Variants in SPIN2A observed in about 807,000 individuals in gnomAD.
SPIN2A encodes the protein spindlin family member 2A.
SPIN2A carries 4 observed loss-of-function variants against 9.2 expected under a neutral mutation model. That is an observed-to-expected ratio of 0.44 (90% CI 0.21 to 1.00). The LOEUF is 1.00. Ranked by LOEUF, SPIN2A falls within the 50% of genes least tolerant of loss-of-function variation. The pLI, the probability that SPIN2A is intolerant of heterozygous loss-of-function variation, is 0.26. For synonymous variants in SPIN2A, 25 were observed against 61.2 expected, an observed-to-expected ratio of 0.41 and a Z score of 2.76; for missense variants, 77 against 172.8, an observed-to-expected ratio of 0.45 and a Z score of 3.11.
upstream of SPIN2A, among the ~76,000 whole-genome samples, chrX:57,141,273 C>T (rs897007086): frequency 9.0e-6 from 1 of 111,595 alleles, no homozygotes; most frequent in African/African-American, 3.3e-5. Flanking sequence ...TCATTGCATC[C>T]CTAAGATTAA....
chrX:57,138,194 T>C (rs1345483835), upstream of SPIN2A, among the ~76,000 whole-genome samples: 1 of 111,973 alleles, frequency 8.9e-6, no homozygotes, highest in Non-Finnish European at 1.9e-5. Context: ...AGTGAAGTCA[T>C]TTTTAATTTT....
At chrX:57,140,932 T>C (rs1927986290), upstream of SPIN2A, among the ~76,000 whole-genome samples, 2 of 111,777 alleles carry the variant, frequency 1.8e-5, no homozygotes, top group South Asian at 7.4e-4. Context: ...CATTATGCAG[T>C]GTATTTATGT....
downstream of SPIN2A, chrX:57,134,694 T>C (rs1047933207): frequency 9.0e-6 from 1 of 111,716 alleles, no homozygotes; most frequent in African/African-American, 3.3e-5. Flanking sequence ...GGCACATCTC[T>C]TAAGTTCTGA....
chrX:57,141,413 T>C (rs1602031678), upstream of SPIN2A, among the ~76,000 whole-genome samples: 1 of 111,998 alleles, frequency 8.9e-6, no homozygotes, highest in Non-Finnish European at 1.9e-5. Context: ...GGGGTGTCTT[T>C]GGTTATGACA....
chrX:57,144,123 A>G, the SPIN2A span, among the ~76,000 whole-genome samples: 7 of 111,924 alleles, frequency 6.3e-5, no homozygotes, highest in African/African-American at 2.3e-4. Context: ...TGCACTTTCA[A>G]TATGTCATCC....
At chrX:57,135,101 C>T (rs1336943575), downstream of SPIN2A, 1 of 112,169 alleles carries the variant, frequency 8.9e-6, no homozygotes, top group Non-Finnish European at 1.9e-5. Context: ...CTCACTCCCT[C>T]TGTCAGTCTT....
the SPIN2A span, among the ~76,000 whole-genome samples, chrX:57,145,480 G>A: frequency 8.9e-6 from 1 of 111,894 alleles, no homozygotes; most frequent in African/African-American, 3.2e-5. Context: ...TGGATAGATT[G>A]TAAAGATTTT....
the SPIN2A span, among the ~76,000 whole-genome samples, chrX:57,144,521 A>T: frequency 1.8e-5 from 2 of 108,889 alleles, no homozygotes; most frequent in Non-Finnish European, 3.8e-5. Flanking sequence ...TTTTTTAATA[A>T]TTTTTAAAAT....
chrX:57,143,495 G>A, the SPIN2A span, among the ~76,000 whole-genome samples: 1 of 109,276 alleles, frequency 9.2e-6, no homozygotes, highest in South Asian at 4.0e-4. Context: ...TATTATTATT[G>A]AGATAGGATC....
At position 57,137,317 on chromosome X, in the gene SPIN2A, G is replaced by A. The variant is rs1927849118; in HGVS notation, c.-63C>T. Reference sequence around the variant, plus strand: ...AAGGAGGGTCAACAGGCGACTCGCTGAGTGACTGCTTGCAAGAGCGGGGAG... The same window carrying A: ...AAGGAGGGTCAACAGGCGACTCGCTAAGTGACTGCTTGCAAGAGCGGGGAG... On this transcript the variant is annotated 5_prime_UTR_variant, in exon 1 of 2. Transcript: ENST00000374906. 2 of 759,370 alleles carry A rather than the reference G, an allele frequency of 2.6e-6. No individual in the cohort carries two copies. Among genetic ancestry groups the A allele is most frequent in the African/African-American group, 4.5e-5 (2 of 44,044 alleles). 62.6% of individuals were successfully genotyped at this position (759,370 alleles called of 1,213,427 possible). A position where few individuals can be genotyped will look rare whatever the true frequency, so the allele number is the denominator to read the frequency against.
At chrX:57,138,436 A>C (rs1927902400), upstream of SPIN2A, among the ~76,000 whole-genome samples, 1 of 110,147 alleles carries the variant, frequency 9.1e-6, no homozygotes, top group Non-Finnish European at 1.9e-5. Flanking sequence ...ATATATATAT[A>C]TCACATTTTT....
upstream of SPIN2A, chrX:57,137,661 G>A (rs1270124414): frequency 9.0e-6 from 1 of 111,425 alleles, no homozygotes; most frequent in African/African-American, 3.3e-5. Context: ...AGTGGAACCT[G>A]TAGGTGGCCT....
chrX:57,140,841 G>A (rs761319392), upstream of SPIN2A, among the ~76,000 whole-genome samples: 5 of 111,498 alleles, frequency 4.5e-5, no homozygotes, highest in African/African-American at 9.8e-5. Context: ...GAGGGAGGAA[G>A]AGAGGAATGA....
upstream of SPIN2A, among the ~76,000 whole-genome samples, chrX:57,141,623 C>T (rs755098774): frequency 4.5e-5 from 5 of 111,024 alleles, no homozygotes; most frequent in East Asian, 2.8e-4. Flanking sequence ...ATTATTGGTC[C>T]GTTCAGGTTT....
At chrX:57,140,015 G>T (rs1286964452), upstream of SPIN2A, among the ~76,000 whole-genome samples, 1 of 111,473 alleles carries the variant, frequency 9.0e-6, no homozygotes, top group Non-Finnish European at 1.9e-5. Context: ...TTCTATTTTT[G>T]TGTTGTCTTT....
the SPIN2A span, among the ~76,000 whole-genome samples, chrX:57,144,804 G>C: frequency 9.1e-6 from 1 of 110,462 alleles, no homozygotes; most frequent in Non-Finnish European, 1.9e-5. Flanking sequence ...ACTTCACTTA[G>C]AATGATAGTC....
At chrX:57,145,096 T>C in the SPIN2A span, among the ~76,000 whole-genome samples, 3 of 111,845 alleles carry the variant, frequency 2.7e-5, no homozygotes, top group Non-Finnish European at 5.6e-5. Flanking sequence ...CTGGATCAAA[T>C]GTTAGTTCTA....
chrX:57,137,654 G>A (rs763766895), upstream of SPIN2A: 8 of 111,415 alleles, frequency 7.2e-5, no homozygotes, highest in African/African-American at 2.6e-4. Context: ...TCACAACAGT[G>A]GAACCTGTAG....
upstream of SPIN2A, among the ~76,000 whole-genome samples, chrX:57,140,240 T>C (rs1201053522): frequency 1.8e-5 from 2 of 110,067 alleles, no homozygotes; most frequent in Non-Finnish European, 3.8e-5. Context: ...TGGTGGGATC[T>C]TTAGATTTTT....
Sources: allele counts gnomAD v4.1 joint callset (sites outside exome capture counted in the v4.1 genomes callset), GRCh38; gene constraint gnomAD v4.1.1; transcripts MANE v1.5; gene names NCBI Gene and HGNC (gene_info 2026-07-23, HGNC 2026-07-21).